Variants in ADGRA2 observed in about 807,000 individuals in gnomAD.
ADGRA2 encodes the protein G-protein coupled receptor 124.
A neutral mutation model predicts 98.7 loss-of-function variants in ADGRA2; 61 were observed. The observed-to-expected ratio is 0.62, with a 90% CI of 0.50 to 0.76. The LOEUF (loss-of-function observed/expected upper bound fraction) is 0.76. Ranked by LOEUF, ADGRA2 falls within the 30% of genes least tolerant of loss-of-function variation. The probability of loss-of-function intolerance (pLI) is 0.00; values close to 1 mark genes in which losing one functional copy is unlikely to be tolerated. For missense variants in ADGRA2, 1,712 were observed against 1,860.0 expected (o/e 0.92, Z 1.46); for synonymous variants, 858 against 831.5 (o/e 1.03, Z -0.55).
intron 2 of ADGRA2, among the ~76,000 whole-genome samples, chr8:37,820,768 G>GGGTC (rs1479664610): frequency 6.6e-6 from 1 of 152,190 alleles, no homozygotes; most frequent in Non-Finnish European, 1.5e-5. Flanking sequence ...GTACGTGAGG[G>GGGTC]GGTCGCCTTG....
At position 37,842,065 on chromosome 8, in the gene ADGRA2, C is replaced by A. The variant is rs1253320794; in HGVS notation, c.3727C>A (p.Gln1243Lys). 2 of 1,517,014 alleles carry A rather than the reference C, an allele frequency of 1.3e-6. No homozygotes were observed. Among genetic ancestry groups the A allele is most frequent in the Non-Finnish European group, 1.8e-6 (2 of 1,140,040 alleles). 94.0% of individuals were successfully genotyped at this position (1,517,014 alleles called of 1,614,324 possible). The change falls in exon 19 of 19, where the codon CAG (glutamine) becomes AAG (lysine). Residue 1243 changes from glutamine to lysine, a missense_variant. Gln to Lys is a moderately conservative substitution (Grantham distance 53). Transcript: ENST00000412232. ...SSRNSPGAGLQLEGEPMLTPS... is the reference protein window; with the variant it reads ...SSRNSPGAGLKLEGEPMLTPS... ...CCGCAACAGCCCGGGCGCCGGCCTGCAGCTGGAAGGCGAGCCCATGCTCAC... is the reference window on the plus strand; with the variant it reads ...CCGCAACAGCCCGGGCGCCGGCCTGAAGCTGGAAGGCGAGCCCATGCTCAC...
chr8:37,839,206 C>T, intron 15 of ADGRA2, 123 bp downstream of exon 15: 1 of 1,372,722 alleles, frequency 7.3e-7, no homozygotes, highest in Non-Finnish European at 1.0e-6. Flanking sequence ...GGGGGAGGGA[C>T]TCCGAGGCAG....
chr8:37,805,739 C>G (rs917169536), intron 1 of ADGRA2, among the ~76,000 whole-genome samples: 1 of 151,794 alleles, frequency 6.6e-6, no homozygotes, highest in Non-Finnish European at 1.5e-5. Context: ...TGTAGTGGTG[C>G]GCGCCTGTAA....
In ADGRA2 at chr8:37,833,897, C is replaced by G. The variant is rs545339530; in HGVS notation, c.1446+60C>G. The G allele has an allele frequency of 7.2e-5, 115 of 1,606,478 alleles. 1 individual carries two copies. The East Asian group carries it at 1.8e-3, about 25-fold the overall frequency. ...CGCCCCCATCCCTCATTTGCTCAAGCCTCTCTCTCACTCCAGCTCCTGGGT... is the reference window on the plus strand; with the variant it reads ...CGCCCCCATCCCTCATTTGCTCAAGGCTCTCTCTCACTCCAGCTCCTGGGT... On this transcript the variant is annotated intron_variant, in intron 10 of 18. Coordinates refer to ENST00000412232, the MANE Select transcript of ADGRA2 (RefSeq NM_032777.10).
At chr8:37,822,683 C>G (rs1179922156) in intron 2 of ADGRA2, among the ~76,000 whole-genome samples, 1 of 152,198 alleles carries the variant, frequency 6.6e-6, no homozygotes, top group Admixed American at 6.5e-5. Flanking sequence ...ATCTATAAAT[C>G]TGCCTGTTCT....
Position 37,804,100 on chromosome 8 carries a change from GACACACACACACAC to G in ADGRA2, c.266+6605_266+6618del, listed in dbSNP as rs60565183. On this transcript the variant is annotated intron_variant, in intron 1 of 18. Coordinates refer to ENST00000412232, the MANE Select transcript of ADGRA2 (RefSeq NM_032777.10). ...GGAGGGGCCAGCCTGCCCACGGTGA[GACACACACACACAC>G]ACACACACACACACACACACACACA... Among the ~76,000 whole-genome samples, 218 of 107,194 alleles carry G rather than the reference GACACACACACACAC, an allele frequency of 2.0e-3. 2 individuals are homozygous for G. The highest frequency in any genetic ancestry group is 5.4e-3 in the African/African-American group (146 of 27,130). The allele number at this position is 107,194 out of a possible 152,430, so 70.3% of individuals were successfully genotyped here. A position where few individuals can be genotyped will look rare whatever the true frequency, so the allele number is the denominator to read the frequency against.
intron 2 of ADGRA2, among the ~76,000 whole-genome samples, chr8:37,818,092 C>T (rs770633022): frequency 3.9e-5 from 6 of 152,168 alleles, no homozygotes; most frequent in Admixed American, 2.0e-4. Flanking sequence ...GCTAAGCATT[C>T]GAGAGCTCTG....
At position 37,841,368 on chromosome 8, in the gene ADGRA2, C is replaced by G. The variant is rs775407688; in HGVS notation, c.3030C>G (p.Asp1010Glu). 3.1e-6 allele frequency: 5 copies of G among 1,609,244 alleles called. No individual in the cohort carries two copies. The highest frequency in any genetic ancestry group is 4.2e-6 in the Non-Finnish European group (5 of 1,178,256). The change falls in exon 19 of 19, where the codon GAC becomes GAG. Residue 1010 changes from aspartate to glutamate, a missense_variant. Transcript: ENST00000412232. This position sits in a 1 kb window ranked among gnomAD's most constrained non-coding sequence, Gnocchi z 5.0. The part of the protein sequence containing the change: ...VGTPGPPEDG[D>E]SLYSPGVQLG... ...CGCCCGGGCCCCCGGAGGATGGTGA[C>G]AGCCTCTATTCTCCGGGAGTCCAGC...
intron 8 of ADGRA2, among the ~76,000 whole-genome samples, chr8:37,832,520 G>A (rs1054322403): frequency 3.9e-5 from 6 of 152,158 alleles, no homozygotes; most frequent in Middle Eastern, 3.4e-3. Flanking sequence ...ATCTTCTGTA[G>A]AGACAGGGTC....
rs1029958310 is a variant in ADGRA2, at chr8:37,802,603, G to C, written c.266+5069G>C. The stretch of plus-strand genomic sequence containing the variant: ...CCACCCGGGCTCCGGGACCTCGCCT[G>C]TTCAAAGGCAGGGGCCCAGCAGAAA... On this transcript the variant is annotated intron_variant, in intron 1 of 18. Transcript: ENST00000412232. The surrounding 1 kb of genome is among the most constrained non-coding windows in gnomAD (Gnocchi z 4.7). Among the ~76,000 whole-genome samples, 1 of 152,184 alleles carries C rather than the reference G, an allele frequency of 6.6e-6. No individual in the cohort carries two copies. Among genetic ancestry groups the C allele is most frequent in the African/African-American group, 2.4e-5 (1 of 41,448 alleles).
chr8:37,821,513 A>G (rs547074449), intron 2 of ADGRA2, among the ~76,000 whole-genome samples: 3 of 152,306 alleles, frequency 2.0e-5, no homozygotes, highest in African/African-American at 7.2e-5. Context: ...TGCCAAGCAC[A>G]TGCAATGGGG....
rs1215363963 is a variant in ADGRA2 at position 37,797,019 on chromosome 8, C to G, written c.-250C>G. 2.2e-5 allele frequency: 4 copies of G among 179,230 alleles called. No individual in the cohort carries two copies. The highest frequency in any genetic ancestry group is 4.6e-5 in the Non-Finnish European group (4 of 86,952). 11.1% of individuals were successfully genotyped at this position (179,230 alleles called of 1,614,324 possible). On this transcript the variant is annotated 5_prime_UTR_variant, in exon 1 of 19. Coordinates refer to ENST00000412232, the MANE Select transcript of ADGRA2 (RefSeq NM_032777.10). The surrounding 1 kb of genome is among the most constrained non-coding windows in gnomAD (Gnocchi z 5.3). Reference sequence around the variant, plus strand: ...TCCCGAGGGCCGGGCGCTGAGACTCCGGCCGCGCAGCTGGGAGCTGCCCGC... The same window carrying G: ...TCCCGAGGGCCGGGCGCTGAGACTCGGGCCGCGCAGCTGGGAGCTGCCCGC...
chr8:37,820,823 A>G (rs1226665350), intron 2 of ADGRA2, among the ~76,000 whole-genome samples: 1 of 151,946 alleles, frequency 6.6e-6, no homozygotes, highest in Non-Finnish European at 1.5e-5. Flanking sequence ...CTGTTTTGCA[A>G]TGCAGGGTCC....
chr8:37,804,453 T>G (rs1027038145), intron 1 of ADGRA2, among the ~76,000 whole-genome samples: 2 of 152,208 alleles, frequency 1.3e-5, no homozygotes, highest in African/African-American at 2.4e-5. Context: ...TGCAGGCACG[T>G]GGGACTGGGA....
intron 8 of ADGRA2, 145 bp downstream of exon 8, chr8:37,831,732 T>C: frequency 1.4e-6 from 1 of 705,262 alleles, no homozygotes; most frequent in Middle Eastern, 3.4e-4. Flanking sequence ...TCATTCAGCC[T>C]GAAGCCTTGC....
chr8:37,804,153 G>T (rs960540349), intron 1 of ADGRA2, among the ~76,000 whole-genome samples: 1 of 39,180 alleles, frequency 2.6e-5, no homozygotes, highest in African/African-American at 7.5e-5. Context: ...ACACACACAC[G>T]GCTCTTAGCC....
chr8:37,841,697 C>A lies in ADGRA2; in HGVS notation c.3359C>A (p.Ser1120Tyr). The A allele has an allele frequency of 6.5e-7, 1 of 1,540,060 alleles. No individual in the cohort carries two copies. Among genetic ancestry groups the A allele is most frequent in the South Asian group, 1.2e-5 (1 of 83,146 alleles). ...GAGGGCCCCCCCTCCCTCAAGTCCT[C>A]CCCAAGCGGCAGCAGCGGCCATCCG... The part of the protein sequence containing the change: ...FGEGPPSLKS[S>Y]PSGSSGHPLA... The change falls in exon 19 of 19, where the codon TCC becomes TAC. Residue 1120 changes from serine (S) to tyrosine (Y), a missense_variant. By Grantham distance (144) the Ser-to-Tyr change is moderately radical. Coordinates refer to ENST00000412232, the MANE Select transcript of ADGRA2 (RefSeq NM_032777.10). The surrounding 1 kb of genome is among the most constrained non-coding windows in gnomAD (Gnocchi z 5.0).
intron 2 of ADGRA2, 91 bp downstream of exon 2, chr8:37,815,058 T>C (rs771761446): frequency 7.6e-5 from 71 of 930,336 alleles, no homozygotes; most frequent in Non-Finnish European, 1.2e-4. Context: ...GGTCGCTGAG[T>C]GACTCCAGAA....
intron 1 of ADGRA2, among the ~76,000 whole-genome samples, chr8:37,799,639 G>T (rs1804440911): frequency 6.6e-6 from 1 of 152,130 alleles, no homozygotes; most frequent in African/African-American, 2.4e-5. Context: ...CTCTTGGTAA[G>T]AATACATTAG....
Sources: gnomAD v4.1 joint callset for allele counts (sites outside exome capture counted in the v4.1 genomes callset) on GRCh38, gnomAD v4.1.1 for gene constraint, Gnocchi (gnomAD v3.1) non-coding constraint, MANE v1.5 for transcripts, NCBI Gene and HGNC (gene_info 2026-07-23, HGNC 2026-07-21) for gene names.